GTF3C4: variants seen among roughly 807,000 people sequenced by gnomAD.
GTF3C4 encodes general transcription factor IIIC subunit 4, also known as general transcription factor 3C polypeptide 4.
GTF3C4 carries 28 observed loss-of-function variants against 67.5 expected under a neutral mutation model. The ratio of observed to expected loss-of-function variants is 0.41; its 90% CI spans 0.31 to 0.57. The LOEUF is 0.57. Ranked by LOEUF, GTF3C4 falls within the 20% of genes least tolerant of loss-of-function variation. GTF3C4 has a pLI of 0.21. For synonymous variants in GTF3C4, 409 were observed against 393.0 expected, an observed-to-expected ratio of 1.04 and a Z score of -0.48; for missense variants, 831 against 1,033.2, an observed-to-expected ratio of 0.80 and a Z score of 2.68.
rs1411317166 is a variant in GTF3C4, at chr9:132,689,108, C to G, written c.*163C>G. Reference sequence around the variant, plus strand: ...CCCTGGAGCTCATTTCTGAATCGCACTCTCCATTTCCAGAGACTAAAGGAT... The same window carrying G: ...CCCTGGAGCTCATTTCTGAATCGCAGTCTCCATTTCCAGAGACTAAAGGAT... On this transcript the variant is annotated 3_prime_UTR_variant, in exon 5 of 5. Coordinates refer to ENST00000372146, the MANE Select transcript of GTF3C4 (RefSeq NM_012204.4). The G allele has an allele frequency of 3.3e-6, 2 of 614,624 alleles. No individual in the cohort carries two copies. Among genetic ancestry groups the G allele is most frequent in the Non-Finnish European group, 5.8e-6 (2 of 343,310 alleles). 38.1% of individuals were successfully genotyped at this position (614,624 alleles called of 1,614,324 possible). A position where few individuals can be genotyped will look rare whatever the true frequency, so the allele number is the denominator to read the frequency against.
Position 132,678,730 on chromosome 9 carries a change from G to A in GTF3C4, c.1111G>A (p.Val371Met). The change falls in exon 2 of 5, where the codon GTG (valine) becomes ATG (methionine). Residue 371 changes from valine (V) to methionine (M), a missense_variant. Val to Met is a conservative substitution (Grantham distance 21). Transcript: ENST00000372146. The surrounding 1 kb of genome is among the most constrained non-coding windows in gnomAD (Gnocchi z 6.5). ...ILWKEMDQLPVHSIKCVPLYH... is the reference protein window; with the variant it reads ...ILWKEMDQLPMHSIKCVPLYH... The stretch of plus-strand genomic sequence containing the variant: ...GTGGAAAGAAATGGACCAGTTACCT[G>A]TGCACAGTATCAAATGTGTGCCACT... The A allele has an allele frequency of 6.2e-7, 1 of 1,614,118 alleles. No homozygotes were observed. Among genetic ancestry groups the A allele is most frequent in the Non-Finnish European group, 8.5e-7 (1 of 1,179,948 alleles).
Position 132,678,210 on chromosome 9 carries a change from C to T in GTF3C4, c.591C>T (p.Leu197=). The part of the protein sequence containing the change: ...MDNRLTIQAN[L]NRLQWVQLVD... ...ATCGCCTGACCATCCAGGCAAATCT[C>T]AACAGACTGCAGTGGGTCCAGCTGG... The change falls in exon 2 of 5, where the codon CTC becomes CTT. Residue 197 remains leucine, a synonymous_variant. Transcript: ENST00000372146. This position sits in a 1 kb window ranked among gnomAD's most constrained non-coding sequence, Gnocchi z 6.5. 1 of 1,614,242 alleles carries T rather than the reference C, an allele frequency of 6.2e-7. No homozygotes were observed. Among genetic ancestry groups the T allele is most frequent in the Non-Finnish European group, 8.5e-7 (1 of 1,180,040 alleles).
In GTF3C4 at chr9:132,678,800, C is replaced by T; in HGVS notation, c.1181C>T (p.Ala394Val). The T allele has an allele frequency of 6.2e-7, 1 of 1,614,102 alleles. No homozygotes were observed. The highest frequency in any genetic ancestry group is 8.5e-7 in the Non-Finnish European group (1 of 1,180,014). ...QKCSCSLVVA[A>V]RGSYVFWCLL... ...TGTAGTTGCAGCTTAGTAGTGGCTG[C>T]AAGAGGCTCTTATGTATTTTGGTGT... The change falls in exon 2 of 5, where the codon GCA becomes GTA. Residue 394 changes from alanine to valine, a missense_variant. Physicochemically the swap from Ala to Val is moderately conservative, Grantham distance 64. Transcript: ENST00000372146. The surrounding 1 kb of genome is among the most constrained non-coding windows in gnomAD (Gnocchi z 6.5).
chr9:132,684,560 C>G (rs1288166622), intron 3 of GTF3C4, among the ~76,000 whole-genome samples: 1 of 152,222 alleles, frequency 6.6e-6, no homozygotes, highest in Non-Finnish European at 1.5e-5. Flanking sequence ...AGACGCCACA[C>G]AGCCTGGGGC....
rs1348711381 is a variant in GTF3C4 at position 132,690,263 on chromosome 9, G to A, written c.*1318G>A. 1 of 152,258 alleles carries A rather than the reference G, an allele frequency of 6.6e-6. No individual in the cohort carries two copies. The highest frequency in any genetic ancestry group is 1.5e-5 in the Non-Finnish European group (1 of 68,104). The allele number at this position is 152,258 out of a possible 1,614,324, so 9.4% of individuals were successfully genotyped here. The stretch of plus-strand genomic sequence containing the variant: ...GTTCGAGACCAGCCTGGGCAATATG[G>A]CGAGACTCCGTCTCTACTACAAATA... On this transcript the variant is annotated 3_prime_UTR_variant, in exon 5 of 5. Coordinates refer to ENST00000372146, the MANE Select transcript of GTF3C4 (RefSeq NM_012204.4).
rs1349679230 is a variant in GTF3C4, at chr9:132,690,408, CACTTCAGCCTGGGCAAG to C, written c.*1467_*1483del. 3.3e-5 allele frequency: 5 copies of C among 152,062 alleles called. No individual in the cohort carries two copies. The highest frequency in any genetic ancestry group is 1.2e-4 in the African/African-American group (5 of 41,398). The allele number at this position is 152,062 out of a possible 1,614,324, so 9.4% of individuals were successfully genotyped here. On this transcript the variant is annotated 3_prime_UTR_variant, in exon 5 of 5. Coordinates refer to ENST00000372146, the MANE Select transcript of GTF3C4 (RefSeq NM_012204.4). The stretch of plus-strand genomic sequence containing the variant: ...GCAGTCAGCCGAGGTGGCACCACTG[CACTTCAGCCTGGGCAAG>C]ACTGGAGACTGCCTCAAAAAAAAAA...
intron 3 of GTF3C4, among the ~76,000 whole-genome samples, chr9:132,685,567 A>T (rs1185334100): frequency 6.7e-6 from 1 of 148,404 alleles, no homozygotes; most frequent in Non-Finnish European, 1.5e-5. Context: ...TGCCCATGGC[A>T]GACTCGAACT....
In GTF3C4 at chr9:132,670,558, C is replaced by G. The variant is rs758109759; in HGVS notation, c.-41C>G. 7.1e-5 allele frequency: 95 copies of G among 1,343,704 alleles called. No homozygotes were observed. Among genetic ancestry groups the G allele is most frequent in the Non-Finnish European group, 6.9e-5 (71 of 1,028,338 alleles). The allele number at this position is 1,343,704 out of a possible 1,614,324, so 83.2% of individuals were successfully genotyped here. A position where few individuals can be genotyped will look rare whatever the true frequency, so the allele number is the denominator to read the frequency against. On this transcript the variant is annotated 5_prime_UTR_variant, in exon 1 of 5. Coordinates refer to ENST00000372146, the MANE Select transcript of GTF3C4 (RefSeq NM_012204.4). ...GGTCCGGGAGGTGGTCGCGCGACTG[C>G]GTGGAGCGCCAGGGCGTCCGACCTC...
chr9:132,687,565 T>C (rs995561537), intron 4 of GTF3C4, among the ~76,000 whole-genome samples: 5 of 152,198 alleles, frequency 3.3e-5, no homozygotes, highest in African/African-American at 1.2e-4. Flanking sequence ...AGTATGTAAG[T>C]TTGTCTGCGT....
Position 132,678,916 on chromosome 9 carries a change from A to C in GTF3C4, c.1297A>C (p.Lys433Gln). ...GCCAATTGTCTCCATGACTGCAGAC[A>C]AACAGAATGGAACAGTCTATACTTG... ...SLPIVSMTAD[K>Q]QNGTVYTCSS... Residue 433 changes from lysine (K) to glutamine (Q), a missense_variant, in exon 2 of 5, where the codon AAA (lysine) becomes CAA (glutamine). Transcript: ENST00000372146. This position sits in a 1 kb window ranked among gnomAD's most constrained non-coding sequence, Gnocchi z 6.5. The C allele has an allele frequency of 6.2e-7, 1 of 1,614,244 alleles. No individual in the cohort carries two copies. The highest frequency in any genetic ancestry group is 1.1e-5 in the South Asian group (1 of 91,088).
At position 132,683,652 on chromosome 9, in the gene GTF3C4, T is replaced by A; in HGVS notation, c.2274T>A (p.Asp758Glu). 6.2e-7 allele frequency: 1 copy of A among 1,613,212 alleles called. No individual in the cohort carries two copies. Among genetic ancestry groups the A allele is most frequent in the Non-Finnish European group, 8.5e-7 (1 of 1,179,756 alleles). ...GTAAAGAGATCTTGCCATTCACAGATCGCAAACAGGCAGTCTGTTCCAATG... is the reference window on the plus strand; with the variant it reads ...GTAAAGAGATCTTGCCATTCACAGAACGCAAACAGGCAGTCTGTTCCAATG... ...SLCKEILPFT[D>E]RKQAVCSNGH... Residue 758 changes from aspartate (D) to glutamate (E), a missense_variant, in exon 3 of 5, where the codon GAT (aspartate) becomes GAA (glutamate). Transcript: ENST00000372146.
At chr9:132,672,452 C>T (rs415410) in intron 1 of GTF3C4, among the ~76,000 whole-genome samples, 72,336 of 151,950 alleles carry the variant, frequency 0.48, 17,964 homozygotes, top group African/African-American at 0.61. Context: ...GCATTCCAGG[C>T]GGCAGGAATG....
upstream of GTF3C4, chr9:132,670,370 G>T (rs1025631703): frequency 2.9e-5 from 37 of 1,268,692 alleles, no homozygotes; most frequent in Non-Finnish European, 3.8e-5. Context: ...GGAAAAGGGG[G>T]TCCTCGGGGC....
chr9:132,692,698 A>G lies in GTF3C4; in HGVS notation c.*3753A>G, dbSNP rs1479838107. 6.6e-6 allele frequency: 1 copy of G among 152,248 alleles called. No homozygotes were observed. The highest frequency in any genetic ancestry group is 2.4e-5 in the African/African-American group (1 of 41,450). 9.4% of individuals were successfully genotyped at this position (152,248 alleles called of 1,614,324 possible). On this transcript the variant is annotated 3_prime_UTR_variant, in exon 5 of 5. Transcript: ENST00000372146. ...TCTGTGCGTTGGAGTTTAGCAATTCAGTGAGACTGGGGAGTGTCTCAAGAA... is the reference window on the plus strand; with the variant it reads ...TCTGTGCGTTGGAGTTTAGCAATTCGGTGAGACTGGGGAGTGTCTCAAGAA...
chr9:132,673,492 A>G (rs1018142888), intron 1 of GTF3C4, among the ~76,000 whole-genome samples: 2 of 152,034 alleles, frequency 1.3e-5, no homozygotes, highest in African/African-American at 4.8e-5. Flanking sequence ...AAGTGAATGA[A>G]TGCTGAGTTG....
rs1836090007 is a variant in GTF3C4 at position 132,690,006 on chromosome 9, C to G, written c.*1061C>G. 6.6e-6 allele frequency: 1 copy of G among 152,258 alleles called. No homozygotes were observed. The allele number at this position is 152,258 out of a possible 1,614,324, so 9.4% of individuals were successfully genotyped here. ...GGTTCTGCCCCCAACCCCTACCCAC[C>G]CAGTGGTCTGTTAAGATGTCTCAGA... On this transcript the variant is annotated 3_prime_UTR_variant, in exon 5 of 5. Coordinates refer to ENST00000372146, the MANE Select transcript of GTF3C4 (RefSeq NM_012204.4).
At chr9:132,683,827 T>C in intron 3 of GTF3C4, 134 bp downstream of exon 3, 1 of 856,362 alleles carries the variant, frequency 1.2e-6, no homozygotes, top group East Asian at 2.7e-5. Flanking sequence ...AAAGCTGCTA[T>C]TATAAAGCCT....
Position 132,692,935 on chromosome 9 carries a change from C to T in GTF3C4, c.*3990C>T, listed in dbSNP as rs2130906005. 6.6e-6 allele frequency: 1 copy of T among 152,210 alleles called. No individual in the cohort carries two copies. The highest frequency in any genetic ancestry group is 1.9e-4 in the East Asian group (1 of 5,202). The allele number at this position is 152,210 out of a possible 1,614,324, so 9.4% of individuals were successfully genotyped here. A position where few individuals can be genotyped will look rare whatever the true frequency, so the allele number is the denominator to read the frequency against. On this transcript the variant is annotated 3_prime_UTR_variant, in exon 5 of 5. Transcript: ENST00000372146. The stretch of plus-strand genomic sequence containing the variant: ...GGAGTAAAGATCTGCTTCATGTCTG[C>T]TAGCATGGTATCTGCTGTTCAACCT...
At chr9:132,672,493 A>C (rs1835799749) in intron 1 of GTF3C4, among the ~76,000 whole-genome samples, 1 of 149,538 alleles carries the variant, frequency 6.7e-6, no homozygotes, top group South Asian at 2.1e-4. Flanking sequence ...TACACGTTTA[A>C]GTCATGAACA....
Sources: allele counts gnomAD v4.1 joint callset (sites outside exome capture counted in the v4.1 genomes callset), GRCh38; gene constraint gnomAD v4.1.1; non-coding constraint Gnocchi (gnomAD v3.1); transcripts MANE v1.5; gene names NCBI Gene and HGNC (gene_info 2026-07-23, HGNC 2026-07-21).